EDIL3: variants seen among roughly 807,000 people sequenced by gnomAD.
The protein encoded by EDIL3 is EGF like and discoidin domains 3.
A neutral mutation model predicts 67.4 loss-of-function variants in EDIL3; 37 were observed. That is an observed-to-expected ratio of 0.55 (90% confidence interval 0.42 to 0.72). The LOEUF is 0.72. Ranked by LOEUF, EDIL3 falls within the 30% of genes least tolerant of loss-of-function variation. EDIL3 has a pLI of 0.00. For synonymous variants in EDIL3, 195 were observed against 196.3 expected (o/e 0.99, Z 0.05); for missense variants, 527 against 586.3 (o/e 0.90, Z 1.04).
At position 83,999,066 on chromosome 5, in the gene EDIL3, G is replaced by T. The variant is rs1389661832; in HGVS notation, c.1138-35706C>A. On this transcript the variant is annotated intron_variant, in intron 9 of 10. Transcript: ENST00000296591. Reference sequence around the variant, plus strand: ...TCTACAAGTCTGCAAGAGTCACAGGGTTACTAGGCTTGAGATGCCCCCTAA... The same window carrying T: ...TCTACAAGTCTGCAAGAGTCACAGGTTTACTAGGCTTGAGATGCCCCCTAA... Among the ~76,000 whole-genome samples the T allele has an allele frequency of 6.6e-5, 10 of 152,094 alleles. No individual in the cohort carries two copies. The East Asian group carries it at 1.9e-3, about 29-fold the overall frequency.
chr5:84,244,812 C>A (rs1278303543), intron 2 of EDIL3, among the ~76,000 whole-genome samples: 5 of 152,254 alleles, frequency 3.3e-5, no homozygotes, highest in Non-Finnish European at 5.9e-5. Flanking sequence ...CTGTTATGAA[C>A]CAGGCAGTAG....
chr5:84,152,244 A>C (rs1244787207), intron 4 of EDIL3, among the ~76,000 whole-genome samples: 4 of 152,156 alleles, frequency 2.6e-5, no homozygotes, highest in African/African-American at 7.2e-5. Flanking sequence ...GAAGGATATA[A>C]CTTTAAAAAC....
At position 84,047,199 on chromosome 5, in the gene EDIL3, T is replaced by G. The variant is rs183427030; in HGVS notation, c.1137+13101A>C. Among the ~76,000 whole-genome samples, 17 of 152,300 alleles carry G rather than the reference T, an allele frequency of 1.1e-4. No homozygotes were observed. In the East Asian group the frequency reaches 3.3e-3, roughly 29 times the overall value. The stretch of plus-strand genomic sequence containing the variant: ...GTACCCTGTATCTGGGGTTAATCTA[T>G]TTCCTTCTCTTTGGCACCAGAAACT... On this transcript the variant is annotated intron_variant, in intron 9 of 10. Transcript: ENST00000296591.
intron 3 of EDIL3, among the ~76,000 whole-genome samples, chr5:84,185,560 G>A (rs892600694): frequency 2.0e-5 from 3 of 152,034 alleles, no homozygotes; most frequent in Non-Finnish European, 4.4e-5. Flanking sequence ...CAAGGATATG[G>A]CAATAATGAG....
intron 4 of EDIL3, among the ~76,000 whole-genome samples, chr5:84,171,958 G>T (rs1419622492): frequency 1.3e-5 from 2 of 152,106 alleles, no homozygotes; most frequent in Non-Finnish European, 2.9e-5. Flanking sequence ...TTTCATTGGG[G>T]TCCTTATTAA....
chr5:84,106,643 T>C lies in EDIL3; in HGVS notation c.651+6A>G. 3 of 1,596,904 alleles carry C rather than the reference T, an allele frequency of 1.9e-6. No homozygotes were observed. Among genetic ancestry groups the C allele is most frequent in the Non-Finnish European group, 2.6e-6 (3 of 1,173,792 alleles). The stretch of plus-strand genomic sequence containing the variant: ...AACATTAACCTTGTCCCATCCCATC[T>C]GTTACCTGAATCCACGGCCATCTGT... On this transcript the variant is annotated splice_donor_region_variant and intron_variant, in intron 6 of 10. Coordinates refer to ENST00000296591, the MANE Select transcript of EDIL3 (RefSeq NM_005711.5).
At chr5:84,192,002 G>C (rs1168980074) in intron 3 of EDIL3, among the ~76,000 whole-genome samples, 1 of 151,982 alleles carries the variant, frequency 6.6e-6, no homozygotes, top group African/African-American at 2.4e-5. Flanking sequence ...TTAACTTCAA[G>C]CTTTTCGAAA....
intron 4 of EDIL3, among the ~76,000 whole-genome samples, chr5:84,149,049 G>A (rs1448280306): frequency 6.6e-6 from 1 of 151,002 alleles, no homozygotes; most frequent in Admixed American, 6.6e-5. Context: ...AAGACACAAA[G>A]GACTCTCCCT....
At chr5:84,299,740 T>C (rs1283021570) in intron 1 of EDIL3, among the ~76,000 whole-genome samples, 1 of 152,198 alleles carries the variant, frequency 6.6e-6, no homozygotes, top group African/African-American at 2.4e-5. Flanking sequence ...TTAATGACCT[T>C]TGTATGTATG....
intron 3 of EDIL3, among the ~76,000 whole-genome samples, chr5:84,229,316 G>A (rs1211837803): frequency 6.6e-6 from 1 of 152,132 alleles, no homozygotes; most frequent in African/African-American, 2.4e-5. Context: ...ACTAAGTCAT[G>A]ATGCCAAGTT....
intron 6 of EDIL3, among the ~76,000 whole-genome samples, chr5:84,090,954 CAA>C (rs70975540): frequency 1.4e-5 from 2 of 140,178 alleles, no homozygotes; most frequent in Admixed American, 7.1e-5. Context: ...CTCAAAAAAA[CAA>C]AAAAAAAAAG....
chr5:84,089,733 A>G (rs934769035), intron 6 of EDIL3, among the ~76,000 whole-genome samples: 2 of 152,024 alleles, frequency 1.3e-5, no homozygotes, highest in African/African-American at 2.4e-5. Context: ...TTACCTTTTC[A>G]ATCTTTTATC....
intron 1 of EDIL3, among the ~76,000 whole-genome samples, chr5:84,318,806 T>C (rs544674702): frequency 2.9e-4 from 44 of 151,910 alleles, no homozygotes; most frequent in Admixed American, 1.1e-3. Context: ...AATAGACAAA[T>C]GGGATCTAAT....
intron 9 of EDIL3, among the ~76,000 whole-genome samples, chr5:84,039,060 G>C (rs1746073712): frequency 6.6e-6 from 1 of 151,634 alleles, no homozygotes; most frequent in Non-Finnish European, 1.5e-5. Flanking sequence ...ATTTCACATA[G>C]GTAGTAGCTA....
In EDIL3 at chr5:83,941,928, A is replaced by G. The variant is rs181245129; in HGVS notation, c.*1491T>C. The stretch of plus-strand genomic sequence containing the variant: ...CTGTTAACACATGGACAGACAAGAC[A>G]GTAACAGTCTAGTGGCTTTTGTTAT... On this transcript the variant is annotated 3_prime_UTR_variant, in exon 11 of 11. Coordinates refer to ENST00000296591, the MANE Select transcript of EDIL3 (RefSeq NM_005711.5). 3 of 152,076 alleles carry G rather than the reference A, an allele frequency of 2.0e-5. No individual in the cohort carries two copies. Among genetic ancestry groups the G allele is most frequent in the East Asian group, 1.9e-4 (1 of 5,170 alleles). 9.4% of individuals were successfully genotyped at this position (152,076 alleles called of 1,614,324 possible). A position where few individuals can be genotyped will look rare whatever the true frequency, so the allele number is the denominator to read the frequency against.
intron 9 of EDIL3, among the ~76,000 whole-genome samples, chr5:83,993,283 C>T (rs962096564): frequency 1.2e-4 from 19 of 152,170 alleles, no homozygotes; most frequent in African/African-American, 4.6e-4. Context: ...GTTGATCATC[C>T]TACCTCAGCC....
intron 5 of EDIL3, among the ~76,000 whole-genome samples, 195 bp downstream of exon 5, chr5:84,137,046 C>G: frequency 6.6e-6 from 1 of 151,906 alleles, no homozygotes; most frequent in Non-Finnish European, 1.5e-5. Flanking sequence ...AATAACATAC[C>G]ACAAATATGA....
chr5:84,295,367 A>G (rs1364105369), intron 1 of EDIL3, among the ~76,000 whole-genome samples: 1 of 152,080 alleles, frequency 6.6e-6, no homozygotes, highest in Admixed American at 6.5e-5. Flanking sequence ...AAAATATTTC[A>G]GACAATGGTA....
chr5:84,188,087 C>A (rs1040575934), intron 3 of EDIL3, among the ~76,000 whole-genome samples: 4 of 151,906 alleles, frequency 2.6e-5, no homozygotes, highest in African/African-American at 9.7e-5. Context: ...CCCGCCCCCC[C>A]TTAAAACCTG....
Sources: gnomAD v4.1 joint callset for allele counts (sites outside exome capture counted in the v4.1 genomes callset) on GRCh38, gnomAD v4.1.1 for gene constraint, MANE v1.5 for transcripts, NCBI Gene and HGNC (gene_info 2026-07-23, HGNC 2026-07-21) for gene names.